PCDH15: variants seen among roughly 807,000 people sequenced by gnomAD.
PCDH15 encodes the protein protocadherin related 15.
Under a neutral mutation model 178.5 loss-of-function variants are expected in PCDH15, and 129 were observed. The observed-to-expected ratio is 0.72, with a 90% CI of 0.63 to 0.84. The LOEUF (loss-of-function observed/expected upper bound fraction) is 0.84, where lower values mean the gene tolerates loss of function less well. PCDH15 is among the 40% of genes least tolerant of loss of function. The probability of loss-of-function intolerance (pLI) is 0.00; values close to 1 mark genes in which losing one functional copy is unlikely to be tolerated. For synonymous variants in PCDH15, 800 were observed against 732.0 expected (o/e 1.09, Z -1.50); for missense variants, 2,230 against 2,099.9 (o/e 1.06, Z -1.21).
At chr10:54,581,627 A>G (rs2091047574) in intron 2 of PCDH15, among the ~76,000 whole-genome samples, 1 of 152,134 alleles carries the variant, frequency 6.6e-6, no homozygotes, top group African/African-American at 2.4e-5. Context: ...AAGGAAGGTA[A>G]ACAAAAAGAA....
chr10:55,475,112 G>C (rs183549267), intron 2 of PCDH15, among the ~76,000 whole-genome samples: 29 of 152,228 alleles, frequency 1.9e-4, no homozygotes, highest in Admixed American at 1.8e-3. Context: ...CAGAAAGCAA[G>C]AGAAAGAGGG....
chr10:54,586,081 CCAG>C (rs1360558574), intron 2 of PCDH15, among the ~76,000 whole-genome samples: 1 of 151,798 alleles, frequency 6.6e-6, no homozygotes, highest in African/African-American at 2.4e-5. Flanking sequence ...AAAATTAGAC[CCAG>C]TTTTGTAGCA....
chr10:54,193,435 T>C (rs1362089105), intron 11 of PCDH15, among the ~76,000 whole-genome samples: 2 of 152,230 alleles, frequency 1.3e-5, no homozygotes, highest in Non-Finnish European at 2.9e-5. Flanking sequence ...ACCTAAGCTA[T>C]CATACACTTT....
chr10:55,472,234 T>C (rs1382479083), intron 2 of PCDH15, among the ~76,000 whole-genome samples: 2 of 152,218 alleles, frequency 1.3e-5, no homozygotes, highest in Admixed American at 6.5e-5. Flanking sequence ...CTAAGGCATG[T>C]ATCTATTAAA....
chr10:54,944,228 T>A (rs1291627079), intron 2 of PCDH15, among the ~76,000 whole-genome samples: 2 of 151,868 alleles, frequency 1.3e-5, no homozygotes, highest in Admixed American at 1.3e-4. Flanking sequence ...GTGTTTAGGT[T>A]GAGAAAGGGT....
chr10:55,475,364 T>C (rs1056383233), intron 2 of PCDH15, among the ~76,000 whole-genome samples: 1 of 152,176 alleles, frequency 6.6e-6, no homozygotes, highest in Non-Finnish European at 1.5e-5. Context: ...CTAACTGTTA[T>C]TATTTATCAA....
intron 13 of PCDH15, among the ~76,000 whole-genome samples, chr10:54,160,383 A>C (rs1411900941): frequency 4.6e-5 from 7 of 152,214 alleles, no homozygotes; most frequent in Non-Finnish European, 1.0e-4. Flanking sequence ...ATAAACATGA[A>C]CTGAGAGATT....
At chr10:54,636,026 A>G (rs2093844090) in intron 2 of PCDH15, among the ~76,000 whole-genome samples, 1 of 151,914 alleles carries the variant, frequency 6.6e-6, no homozygotes. Context: ...TGAAGTAAAG[A>G]AACAGAAGCT....
intron 2 of PCDH15, among the ~76,000 whole-genome samples, chr10:54,617,155 C>T (rs1439742609): frequency 9.3e-6 from 1 of 107,486 alleles, no homozygotes; most frequent in Non-Finnish European, 2.2e-5. Flanking sequence ...CTTGGCCTCC[C>T]AAATGCTGGG....
intron 1 of PCDH15, among the ~76,000 whole-genome samples, chr10:54,769,696 C>A (rs1948879349): frequency 6.6e-6 from 1 of 152,114 alleles, no homozygotes; most frequent in East Asian, 1.9e-4. Context: ...GTAGTTGTGA[C>A]AAAGTTTCTA....
intron 16 of PCDH15, among the ~76,000 whole-genome samples, chr10:54,083,212 A>T (rs1439861652): frequency 6.6e-6 from 1 of 152,202 alleles, no homozygotes; most frequent in Non-Finnish European, 1.5e-5. Context: ...CACTGTGGAA[A>T]ATATTTGACA....
intron 11 of PCDH15, among the ~76,000 whole-genome samples, chr10:54,190,008 G>A (rs146763117): frequency 6.6e-6 from 1 of 151,236 alleles, no homozygotes; most frequent in Non-Finnish European, 1.5e-5. Flanking sequence ...GAACACTGGT[G>A]CAAATATTTC....
At chr10:55,423,491 A>C (rs1838674844) in intron 2 of PCDH15, among the ~76,000 whole-genome samples, 1 of 152,072 alleles carries the variant, frequency 6.6e-6, no homozygotes, top group African/African-American at 2.4e-5. Flanking sequence ...AAAAACATAC[A>C]TGTGCACATA....
chr10:54,306,895 C>T (rs951355653), intron 8 of PCDH15, among the ~76,000 whole-genome samples: 1 of 149,784 alleles, frequency 6.7e-6, no homozygotes, highest in African/African-American at 2.5e-5. Flanking sequence ...ACCTTCAGCT[C>T]CTAATTCCTT....
chr10:55,579,001 G>T (rs1842552279), intron 2 of PCDH15, among the ~76,000 whole-genome samples: 1 of 152,092 alleles, frequency 6.6e-6, no homozygotes, highest in Non-Finnish European at 1.5e-5. Flanking sequence ...TTATCAATGT[G>T]AAAATAGAAG....
At chr10:55,580,379 A>G (rs1359687120) in intron 2 of PCDH15, among the ~76,000 whole-genome samples, 12 of 135,212 alleles carry the variant, frequency 8.9e-5, no homozygotes, top group Non-Finnish European at 1.5e-4. Context: ...TTTTTTTGAG[A>G]CGAAGTCTCA....
At chr10:55,107,082 C>T (rs1837367255) in intron 2 of PCDH15, among the ~76,000 whole-genome samples, 1 of 152,196 alleles carries the variant, frequency 6.6e-6, no homozygotes, top group Non-Finnish European at 1.5e-5. Context: ...TAGGTTTGCT[C>T]TCTTGTTAGA....
chr10:54,518,817 A>G (rs1050780870), intron 3 of PCDH15, among the ~76,000 whole-genome samples: 2 of 152,206 alleles, frequency 1.3e-5, no homozygotes, highest in Non-Finnish European at 2.9e-5. Context: ...CCTCAATAAA[A>G]TACTGGCAAA....
At chr10:55,229,590 A>G (rs935639942) in intron 1 of PCDH15, among the ~76,000 whole-genome samples, 1 of 152,086 alleles carries the variant, frequency 6.6e-6, no homozygotes, top group Non-Finnish European at 1.5e-5. Flanking sequence ...ATGAACAACT[A>G]TGTCCATTAT....
Sources: gnomAD v4.1 joint callset for allele counts (sites outside exome capture counted in the v4.1 genomes callset) on GRCh38, gnomAD v4.1.1 for gene constraint, MANE v1.5 for transcripts, NCBI Gene and HGNC (gene_info 2026-07-23, HGNC 2026-07-21) for gene names.